Variants in EXOC3 observed in about 807,000 individuals in gnomAD.
EXOC3 encodes the protein SEC6-like 1.
EXOC3 carries 21 observed loss-of-function variants against 73.7 expected under a neutral mutation model. That is an observed-to-expected ratio of 0.29 (90% confidence interval 0.20 to 0.41). The LOEUF (loss-of-function observed/expected upper bound fraction) is 0.41, where lower values mean the gene tolerates loss of function less well. Ranked by LOEUF, EXOC3 falls within the 10% of genes least tolerant of loss-of-function variation. The pLI, the probability that EXOC3 is intolerant of heterozygous loss-of-function variation, is 1.00. For missense variants in EXOC3, 842 were observed against 985.1 expected, an observed-to-expected ratio of 0.85 and a Z score of 1.95; for synonymous variants, 410 against 389.1, an observed-to-expected ratio of 1.05 and a Z score of -0.63.
At chr5:450,947 G>C (rs1737644613) in intron 3 of EXOC3, among the ~76,000 whole-genome samples, 1 of 152,016 alleles carries the variant, frequency 6.6e-6, no homozygotes, top group Non-Finnish European at 1.5e-5. Flanking sequence ...TGAACACATA[G>C]AGTTGAATCA....
intron 10 of EXOC3, chr5:464,685 C>G (rs1290733917): frequency 2.3e-6 from 1 of 431,264 alleles, no homozygotes; most frequent in Admixed American, 3.7e-5. Context: ...TTGCCTTCCA[C>G]TCACTCCCTG....
chr5:465,935 G>A (rs957181231), intron 12 of EXOC3, 90 bp downstream of exon 12: 31 of 1,433,752 alleles, frequency 2.2e-5, no homozygotes, highest in Non-Finnish European at 2.5e-5. Flanking sequence ...GGGGCTCCTG[G>A]TTCGCAAGTT....
rs572119304 is a variant in EXOC3, at chr5:456,964, C to T, written c.1122C>T (p.His374=). The T allele has an allele frequency of 3.4e-5, 55 of 1,613,904 alleles. No homozygotes were observed. The highest frequency in any genetic ancestry group is 4.4e-5 in the South Asian group (4 of 91,090). ...CCCTGGAGCCATTGCTTTCTCCACACGTGGTCTCTGAGCTGCTTGACACGT... is the reference window on the plus strand; with the variant it reads ...CCCTGGAGCCATTGCTTTCTCCACATGTGGTCTCTGAGCTGCTTGACACGT... ...VGTLEPLLSP[H]VVSELLDTYM... is the part of the protein sequence containing the mutation. The change falls in exon 5 of 13, where the codon CAC becomes CAT. Residue 374 remains histidine, a synonymous_variant. Transcript: ENST00000512944.
Position 464,273 on chromosome 5 carries a change from C to G in EXOC3, c.1654-17C>G, listed in dbSNP as rs767312795. On this transcript the variant is annotated splice_polypyrimidine_tract_variant and intron_variant, in intron 9 of 12. Coordinates refer to ENST00000512944, the MANE Select transcript of EXOC3 (RefSeq NM_007277.5). ...ACGTTGAGGTGATGATTTCTATGAT[C>G]TGTTTCTGCTTTTCAGCAACATCTG... 1 of 1,611,266 alleles carries G rather than the reference C, an allele frequency of 6.2e-7. No individual in the cohort carries two copies. Among genetic ancestry groups the G allele is most frequent in the African/African-American group, 1.3e-5 (1 of 74,978 alleles).
intron 11 of EXOC3, 98 bp downstream of exon 11, chr5:465,370 G>C: frequency 2.2e-6 from 3 of 1,366,878 alleles, no homozygotes; most frequent in Non-Finnish European, 3.0e-6. Context: ...GGAGTGTGTC[G>C]TGTGTTTGTC....
intron 4 of EXOC3, among the ~76,000 whole-genome samples, chr5:456,215 G>C (rs776784095): frequency 6.6e-6 from 1 of 152,134 alleles, no homozygotes; most frequent in Admixed American, 6.5e-5. Context: ...CGTAACCTGC[G>C]TACATTCTCC....
At chr5:465,461 C>G (rs563765562) in intron 11 of EXOC3, among the ~76,000 whole-genome samples, 189 bp downstream of exon 11, 23 of 152,362 alleles carry the variant, frequency 1.5e-4, no homozygotes, top group Non-Finnish European at 2.9e-4. Flanking sequence ...GCGCCGGCCC[C>G]GCCGGCTTCC....
intron 6 of EXOC3, among the ~76,000 whole-genome samples, chr5:459,149 G>A (rs897663177): frequency 6.6e-5 from 10 of 151,238 alleles, no homozygotes; most frequent in Non-Finnish European, 1.2e-4. Flanking sequence ...TAAGAAATGA[G>A]TCACTTGGTA....
intron 11 of EXOC3, 85 bp downstream of exon 11, chr5:465,357 A>G: frequency 7.0e-7 from 1 of 1,427,486 alleles, no homozygotes; most frequent in South Asian, 1.2e-5. Flanking sequence ...GGGCCAGTAG[A>G]TGGGAGTGTG....
Position 456,972 on chromosome 5 carries a change from C to T in EXOC3, c.1130C>T (p.Ser377Phe). 6.2e-7 allele frequency: 1 copy of T among 1,614,008 alleles called. No homozygotes were observed. Among genetic ancestry groups the T allele is most frequent in the Non-Finnish European group, 8.5e-7 (1 of 1,179,868 alleles). The change falls in exon 5 of 13, where the codon TCT becomes TTT. Residue 377 changes from serine to phenylalanine, a missense_variant. Transcript: ENST00000512944. ...CCATTGCTTTCTCCACACGTGGTCT[C>T]TGAGCTGCTTGACACGTACATGTCC... Reference protein sequence around the residue: ...LEPLLSPHVVSELLDTYMSTL... With the variant: ...LEPLLSPHVVFELLDTYMSTL...
At chr5:446,716 G>T (rs1367566263) in intron 2 of EXOC3, among the ~76,000 whole-genome samples, 2 of 152,132 alleles carry the variant, frequency 1.3e-5, no homozygotes, top group Non-Finnish European at 2.9e-5. Flanking sequence ...AATTAGCCAG[G>T]CATGATGGTT....
chr5:455,238 C>T (rs955107092), intron 4 of EXOC3, among the ~76,000 whole-genome samples: 3 of 152,270 alleles, frequency 2.0e-5, no homozygotes, highest in Non-Finnish European at 4.4e-5. Context: ...ATTCCAGTCC[C>T]ATCCCTGGGC....
In EXOC3 at chr5:456,908, G is replaced by C. The variant is rs530637200; in HGVS notation, c.1066G>C (p.Val356Leu). 107 of 1,613,932 alleles carry C rather than the reference G, an allele frequency of 6.6e-5. 1 individual carries two copies. In the South Asian group the frequency reaches 1.1e-3, roughly 17 times the overall value. Reference sequence around the variant, plus strand: ...CCATAGTACTGAGATGATGAGGAACGTGGAGCTGGCCCCGGAAGTGGATGT... The same window carrying C: ...CCATAGTACTGAGATGATGAGGAACCTGGAGCTGGCCCCGGAAGTGGATGT... ...TYTSTEMMRN[V>L]ELAPEVDVGT... is the part of the protein sequence containing the mutation. The change falls in exon 5 of 13, where the codon GTG becomes CTG. Residue 356 changes from valine (V) to leucine (L), a missense_variant. Transcript: ENST00000512944.
intron 2 of EXOC3, 119 bp downstream of exon 2, chr5:446,468 C>CT: frequency 1.1e-6 from 1 of 895,754 alleles, no homozygotes; most frequent in Non-Finnish European, 1.7e-6. Context: ...CAGAGCTGGA[C>CT]TTTCTTGAGC....
intron 12 of EXOC3, 114 bp from the exon 13 acceptor site, chr5:466,613 C>A (rs142760302): frequency 3.1e-6 from 3 of 969,502 alleles, no homozygotes; most frequent in Non-Finnish European, 4.5e-6. Flanking sequence ...TTGTCTGCAG[C>A]GGTCCTCACC....
intron 3 of EXOC3, 101 bp from the exon 4 acceptor site, chr5:453,269 A>T (rs1364405731): frequency 4.6e-5 from 36 of 784,964 alleles, no homozygotes; most frequent in Non-Finnish European, 7.1e-5. Context: ...TTAGCTAGGG[A>T]GATGTGGCTT....
At chr5:451,620 G>A (rs1737660385) in intron 3 of EXOC3, among the ~76,000 whole-genome samples, 1 of 152,048 alleles carries the variant, frequency 6.6e-6, no homozygotes, top group African/African-American at 2.4e-5. Flanking sequence ...TAGATTTTAC[G>A]ATTGTCCATG....
At position 462,324 on chromosome 5, in the gene EXOC3, C is replaced by G. The variant is rs1560940231; in HGVS notation, c.1653+17C>G. ...GACCTGGAGGTGGGCCTGGCTCTTT[C>G]CTCCTGCCGTTTTCTGGGCCGAAGC... On this transcript the variant is annotated intron_variant, in intron 9 of 12. Coordinates refer to ENST00000512944, the MANE Select transcript of EXOC3 (RefSeq NM_007277.5). The G allele has an allele frequency of 6.2e-7, 1 of 1,613,686 alleles. No homozygotes were observed. The highest frequency in any genetic ancestry group is 2.2e-5 in the East Asian group (1 of 44,886).
chr5:455,420 C>G (rs549619053), intron 4 of EXOC3, among the ~76,000 whole-genome samples: 9 of 152,360 alleles, frequency 5.9e-5, no homozygotes, highest in African/African-American at 2.2e-4. Flanking sequence ...TAGAAACATT[C>G]TCACACGGAA....
Sources: gnomAD v4.1 joint callset for allele counts (sites outside exome capture counted in the v4.1 genomes callset) on GRCh38, gnomAD v4.1.1 for gene constraint, MANE v1.5 for transcripts, NCBI Gene and HGNC (gene_info 2026-07-23, HGNC 2026-07-21) for gene names.